The following HPS4 variants were observed in gnomAD, a reference collection of about 807,000 sequenced individuals.
HPS4 encodes the protein BLOC-3 complex member HPS4.
A neutral mutation model predicts 70.3 loss-of-function variants in HPS4; 44 were observed. The observed-to-expected ratio is 0.63, with a 90% CI of 0.49 to 0.80. The LOEUF (loss-of-function observed/expected upper bound fraction) is 0.80. Among genes scored for constraint, HPS4 ranks in the 30% least tolerant of loss-of-function variants. HPS4 has a pLI of 0.00. For missense variants in HPS4, 873 were observed against 884.4 expected (o/e 0.99, Z 0.16); for synonymous variants, 377 against 355.9 (o/e 1.06, Z -0.67).
In HPS4 at chr22:26,468,542, T is replaced by G; in HGVS notation, c.669+9A>C. ...TGCTGTCCAGCCAGGTGGGTGGACT[T>G]TACAATACCTGCTCCTGAGGTGCTG... On this transcript the variant is annotated intron_variant, in intron 8 of 13. Transcript: ENST00000398145. 18 of 1,613,382 alleles carry G rather than the reference T, an allele frequency of 1.1e-5. No homozygotes were observed. The highest frequency in any genetic ancestry group is 1.5e-5 in the Non-Finnish European group (18 of 1,179,570).
Position 26,462,877 on chromosome 22 carries a change from CA to C in HPS4, c.1713+1039del, listed in dbSNP as rs1299127795. Reference sequence around the variant, plus strand: ...TGATCCAGCGTCTGTGGAAAGGGCACAGAGAAGCCTGACAGCTCCAGAGAGC... The same window carrying C: ...TGATCCAGCGTCTGTGGAAAGGGCACGAGAAGCCTGACAGCTCCAGAGAGC... On this transcript the variant is annotated intron_variant, in intron 11 of 13. Transcript: ENST00000398145. Among the ~76,000 whole-genome samples, 3 of 152,344 alleles carry C rather than the reference CA, an allele frequency of 2.0e-5. No homozygotes were observed. The East Asian group carries it at 5.8e-4, about 29-fold the overall frequency.
chr22:26,455,820 G>A (rs1402060666), intron 13 of HPS4, among the ~76,000 whole-genome samples: 2 of 152,064 alleles, frequency 1.3e-5, no homozygotes, highest in Non-Finnish European at 2.9e-5. Context: ...CTTGAGCTAT[G>A]TGTCTCAACA....
intron 4 of HPS4, among the ~76,000 whole-genome samples, chr22:26,474,582 A>G (rs1351364592): frequency 2.0e-5 from 3 of 152,222 alleles, no homozygotes; most frequent in Non-Finnish European, 2.9e-5. Context: ...GATAAAATTT[A>G]TAAGTTAGAC....
Position 26,458,518 on chromosome 22 carries a change from G to T in HPS4, c.1773C>A (p.Pro591=). 6.2e-7 allele frequency: 1 copy of T among 1,614,042 alleles called. No homozygotes were observed. Among genetic ancestry groups the T allele is most frequent in the Non-Finnish European group, 8.5e-7 (1 of 1,179,936 alleles). ...GLEVHLKETL[P]RDEAASTSST... ...TGCTCGTGGAGGCTGCCTCATCCCT[G>T]GGCAGCGTCTCTTTCAGGTGGACTT... is the stretch of plus-strand genomic sequence containing the variant. The change falls in exon 12 of 14, where the codon CCC becomes CCA. Residue 591 remains proline (P), a synonymous_variant. Coordinates refer to ENST00000398145, the MANE Select transcript of HPS4 (RefSeq NM_022081.6).
Position 26,464,351 on chromosome 22 carries a change from G to A in HPS4, c.1279C>T (p.Pro427Ser). ...PEDTAISSLR[P>S]PSAPEMLTQH... ...GTCAGCATCTCAGGAGCAGAGGGAG[G>A]GCGCAAGCTGCTGATGGCTGTGTCC... Residue 427 changes from proline to serine, a missense_variant, in exon 11 of 14, where the codon CCT (proline) becomes TCT (serine). By Grantham distance (74) the Pro-to-Ser change is moderately conservative. Transcript: ENST00000398145. 4 of 1,614,148 alleles carry A rather than the reference G, an allele frequency of 2.5e-6. No homozygotes were observed. The highest frequency in any genetic ancestry group is 3.4e-6 in the Non-Finnish European group (4 of 1,180,048).
rs10573454 is a variant in HPS4, at chr22:26,451,986, ACG to A, written c.*1245_*1246del. ...AGGAAAAGAGGGATGCGCCCACGTT[ACG>A]CGCGCGCGCGCGCGCGCACACACAC... On this transcript the variant is annotated 3_prime_UTR_variant, in exon 14 of 14. Transcript: ENST00000398145. 0.013 allele frequency: 1,917 copies of A among 149,082 alleles called. 19 individuals are homozygous for A. The highest frequency in any genetic ancestry group is 0.02 in the East Asian group (98 of 4,808). 9.2% of individuals were successfully genotyped at this position (149,082 alleles called of 1,614,324 possible). A position where few individuals can be genotyped will look rare whatever the true frequency, so the allele number is the denominator to read the frequency against.
intron 7 of HPS4, among the ~76,000 whole-genome samples, chr22:26,469,315 G>A (rs987516886): frequency 2.0e-5 from 3 of 151,440 alleles, no homozygotes; most frequent in Admixed American, 2.0e-4. Context: ...CAAAAGCTTG[G>A]CCAGGTGTGG....
intron 11 of HPS4, among the ~76,000 whole-genome samples, chr22:26,462,971 G>C (rs1174673002): frequency 6.6e-6 from 1 of 152,304 alleles, no homozygotes; most frequent in South Asian, 2.1e-4. Context: ...TGTATTTCAA[G>C]GTGACTAGCT....
chr22:26,457,068 A>G (rs1464056098), intron 13 of HPS4, among the ~76,000 whole-genome samples: 1 of 152,246 alleles, frequency 6.6e-6, no homozygotes. Flanking sequence ...AATAAAAACC[A>G]AAAACCAATA....
intron 3 of HPS4, 92 bp downstream of exon 3, chr22:26,479,173 A>C: frequency 1.6e-6 from 2 of 1,212,302 alleles, no homozygotes; most frequent in Non-Finnish European, 2.4e-6. Context: ...TGGATTAGCC[A>C]AACTGTCCTA....
At chr22:26,480,626 C>T (rs551741939) in intron 2 of HPS4, among the ~76,000 whole-genome samples, 1 of 152,272 alleles carries the variant, frequency 6.6e-6, no homozygotes, top group South Asian at 2.1e-4. Flanking sequence ...GATGAAAAAG[C>T]ACCAACTTGG....
intron 4 of HPS4, chr22:26,476,212 G>A (rs894879610): frequency 3.3e-5 from 5 of 151,880 alleles, no homozygotes; most frequent in Non-Finnish European, 7.4e-5. Flanking sequence ...ATAAAATGTT[G>A]GAAATAATAC....
intron 4 of HPS4, among the ~76,000 whole-genome samples, chr22:26,473,528 G>A (rs1462305859): frequency 6.6e-6 from 1 of 152,174 alleles, no homozygotes; most frequent in Non-Finnish European, 1.5e-5. Flanking sequence ...AGCACTTTGA[G>A]TGGATCACGA....
chr22:26,465,776 G>T (rs1249578225), intron 9 of HPS4: 45 of 589,592 alleles, frequency 7.6e-5, no homozygotes, highest in Non-Finnish European at 1.8e-5. Context: ...TTTGGAGAAG[G>T]AAGATGTTCG....
intron 10 of HPS4, among the ~76,000 whole-genome samples, chr22:26,465,123 T>C (rs886826844): frequency 1.3e-5 from 2 of 152,226 alleles, no homozygotes; most frequent in African/African-American, 4.8e-5. Flanking sequence ...GCTGTACCTA[T>C]ACTATTTTCA....
At chr22:26,455,378 T>C (rs1486135222) in intron 13 of HPS4, among the ~76,000 whole-genome samples, 2 of 151,576 alleles carry the variant, frequency 1.3e-5, no homozygotes, top group Non-Finnish European at 2.9e-5. Context: ...GTGGCACATA[T>C]ACACCATGGA....
At position 26,451,431 on chromosome 22, in the gene HPS4, A is replaced by G. The variant is rs1033062885; in HGVS notation, c.*1802T>C. On this transcript the variant is annotated 3_prime_UTR_variant, in exon 14 of 14. Coordinates refer to ENST00000398145, the MANE Select transcript of HPS4 (RefSeq NM_022081.6). ...GGGCTCTGAGCAGAACCTCCACTGC[A>G]GAAACTAAGCAGGATCAAAGGAGGA... is the stretch of plus-strand genomic sequence containing the variant. 1 of 152,274 alleles carries G rather than the reference A, an allele frequency of 6.6e-6. No homozygotes were observed. 9.4% of individuals were successfully genotyped at this position (152,274 alleles called of 1,614,324 possible). A position where few individuals can be genotyped will look rare whatever the true frequency, so the allele number is the denominator to read the frequency against.
intron 6 of HPS4, among the ~76,000 whole-genome samples, chr22:26,471,965 T>C (rs771182862): frequency 6.6e-6 from 1 of 152,242 alleles, no homozygotes; most frequent in Non-Finnish European, 1.5e-5. Context: ...AACTAGATCA[T>C]ATGATATGAA....
chr22:26,478,910 C>CTGGA, intron 3 of HPS4, among the ~76,000 whole-genome samples: 1 of 152,210 alleles, frequency 6.6e-6, no homozygotes, highest in Middle Eastern at 3.4e-3. Context: ...TCTCAAACTC[C>CTGGA]TGACCTCAGG....
Sources: allele counts gnomAD v4.1 joint callset (sites outside exome capture counted in the v4.1 genomes callset), GRCh38; gene constraint gnomAD v4.1.1; transcripts MANE v1.5; gene names NCBI Gene and HGNC (gene_info 2026-07-23, HGNC 2026-07-21).